The following GNAO1 variants were observed in gnomAD, a reference collection of about 807,000 sequenced individuals.
The protein encoded by GNAO1 is guanine nucleotide-binding protein G(o) subunit alpha.
For synonymous variants in GNAO1, 164 were observed against 180.7 expected (o/e 0.91, Z 0.74); for missense variants, 166 against 478.7 (o/e 0.35, Z 6.10).
At chr16:56,292,103 A>G (rs1196975798) in intron 3 of GNAO1, among the ~76,000 whole-genome samples, 1 of 152,156 alleles carries the variant, frequency 6.6e-6, no homozygotes, top group Admixed American at 6.5e-5. Flanking sequence ...CACATTCCCC[A>G]TCAGCGTTCC....
chr16:56,261,794 A>G (rs2036906273), intron 2 of GNAO1, among the ~76,000 whole-genome samples: 2 of 152,162 alleles, frequency 1.3e-5, no homozygotes, highest in Admixed American at 1.3e-4. Flanking sequence ...CTGTTCAGTA[A>G]CCAGGCACCC....
chr16:56,199,399 G>A (rs1412869402), intron 2 of GNAO1, among the ~76,000 whole-genome samples: 1 of 152,202 alleles, frequency 6.6e-6, no homozygotes, highest in Non-Finnish European at 1.5e-5. Flanking sequence ...GAGAGAGCCA[G>A]TGACATTAGA....
intron 6 of GNAO1, chr16:56,340,964 C>T (rs750314836): frequency 1.2e-6 from 2 of 1,614,002 alleles, no homozygotes; most frequent in Non-Finnish European, 1.7e-6. Context: ...TCCCCGCTCA[C>T]CATCTGCTTT....
rs565216010 is a variant in GNAO1, at chr16:56,349,335, G to C, written c.724-2049G>C. On this transcript the variant is annotated intron_variant, in intron 6 of 8. Coordinates refer to ENST00000262493, the MANE Select transcript of GNAO1 (RefSeq NM_020988.3). ...TCTCTGTTAGGCAGCTGCAGGCCAA[G>C]GTGGCTCTGTGGAGTGGGGAGCATG... Among the ~76,000 whole-genome samples the C allele has an allele frequency of 2.6e-5, 4 of 152,320 alleles. No homozygotes were observed. The South Asian group carries it at 8.3e-4, about 32-fold the overall frequency.
At chr16:56,234,603 T>C (rs1288058740) in intron 2 of GNAO1, among the ~76,000 whole-genome samples, 6 of 152,222 alleles carry the variant, frequency 3.9e-5, no homozygotes, top group Admixed American at 1.3e-4. Flanking sequence ...AGCTTCCCAG[T>C]TCTGCAGCTT....
rs1323223248 is a variant in GNAO1, at chr16:56,192,188, G to C, written c.-48G>C. 2.7e-6 allele frequency: 3 copies of C among 1,109,684 alleles called. No homozygotes were observed. The African/African-American group carries it at 4.6e-5, about 17-fold the overall frequency. 68.7% of individuals were successfully genotyped at this position (1,109,684 alleles called of 1,614,324 possible). On this transcript the variant is annotated 5_prime_UTR_variant, in exon 1 of 9. Transcript: ENST00000262493. ...GGGGTGGGGGGCGCTCCAAGCCGGG[G>C]AGCCGTGCCAGCCGAGTCGTGCGGG...
At chr16:56,233,292 C>G (rs1360083938) in intron 2 of GNAO1, among the ~76,000 whole-genome samples, 1 of 152,170 alleles carries the variant, frequency 6.6e-6, no homozygotes, top group Non-Finnish European at 1.5e-5. Flanking sequence ...TATTTACATG[C>G]CCCAGTGTCT....
At position 56,347,468 on chromosome 16, in the gene GNAO1, G is replaced by A. The variant is rs564713892; in HGVS notation, c.724-3916G>A. 2.3e-5 allele frequency: 23 copies of A among 985,378 alleles called. No homozygotes were observed. The South Asian group carries it at 9.4e-4, about 40-fold the overall frequency. 61.0% of individuals were successfully genotyped at this position (985,378 alleles called of 1,614,324 possible). A position where few individuals can be genotyped will look rare whatever the true frequency, so the allele number is the denominator to read the frequency against. On this transcript the variant is annotated intron_variant, in intron 6 of 8. Transcript: ENST00000262493. ...CCCACCCCTCAGCAAGAAGAGTCCT[G>A]ACCCCTGACCCCACCCTGCCCAGAG... is the stretch of plus-strand genomic sequence containing the variant.
intron 3 of GNAO1, among the ~76,000 whole-genome samples, chr16:56,295,555 T>A (rs2037278810): frequency 6.6e-6 from 1 of 152,136 alleles, no homozygotes; most frequent in Non-Finnish European, 1.5e-5. Flanking sequence ...TTCTTCTCCC[T>A]TCCACCTTTA....
intron 6 of GNAO1, chr16:56,346,246 GGGTGGTGACT>G (rs1284790107): frequency 1.0e-6 from 1 of 985,334 alleles, no homozygotes; most frequent in Non-Finnish European, 1.2e-6. Context: ...CCATCTTGTG[GGGTGGTGACT>G]GAGGGTGACA....
At chr16:56,301,732 G>T (rs2617836) in intron 3 of GNAO1, 1 of 152,078 alleles carries the variant, frequency 6.6e-6, no homozygotes, top group South Asian at 2.1e-4. Context: ...TCTGCCCGGC[G>T]GAGTGGCTCA....
At chr16:56,245,214 C>T (rs887262016) in intron 2 of GNAO1, among the ~76,000 whole-genome samples, 14 of 152,246 alleles carry the variant, frequency 9.2e-5, no homozygotes, top group South Asian at 2.1e-4. Flanking sequence ...TAGGCTGTTG[C>T]GGCTGAGCTG....
At chr16:56,213,119 C>T (rs1294928416) in intron 2 of GNAO1, among the ~76,000 whole-genome samples, 3 of 152,226 alleles carry the variant, frequency 2.0e-5, no homozygotes. Flanking sequence ...GGTCAAGACC[C>T]GCTCTAGGAA....
At chr16:56,246,107 T>C (rs1477503060) in intron 2 of GNAO1, among the ~76,000 whole-genome samples, 1 of 152,156 alleles carries the variant, frequency 6.6e-6, no homozygotes, top group Non-Finnish European at 1.5e-5. Flanking sequence ...ACAGCCTACC[T>C]GCTGCCTGAG....
intron 6 of GNAO1, chr16:56,344,232 G>A: frequency 7.3e-7 from 1 of 1,373,838 alleles, no homozygotes; most frequent in East Asian, 2.8e-5. Context: ...GGGAAGCTGG[G>A]GGGACAGGGC....
chr16:56,342,398 C>T (rs2037814791), intron 6 of GNAO1, among the ~76,000 whole-genome samples: 1 of 152,220 alleles, frequency 6.6e-6, no homozygotes, highest in African/African-American at 2.4e-5. Context: ...CCCCTCCCTG[C>T]TGCCCCCTCC....
At chr16:56,261,729 T>G (rs1221347075) in intron 2 of GNAO1, among the ~76,000 whole-genome samples, 1 of 151,752 alleles carries the variant, frequency 6.6e-6, no homozygotes, top group Non-Finnish European at 1.5e-5. Context: ...CGCTGCAAAA[T>G]GGGATGGGGG....
chr16:56,220,370 G>A (rs1265358141), intron 2 of GNAO1, among the ~76,000 whole-genome samples: 4 of 152,196 alleles, frequency 2.6e-5, no homozygotes, highest in Admixed American at 1.3e-4. Flanking sequence ...AGAGCCTACT[G>A]TGGCCAGGTT....
intron 8 of GNAO1, 172 bp from the exon 9 acceptor site, chr16:56,355,931 T>G (rs553204634): frequency 5.9e-5 from 9 of 152,348 alleles, no homozygotes; most frequent in African/African-American, 1.7e-4. Context: ...GGGGCCAGGC[T>G]TCCCCAGGTG....
Sources: gnomAD v4.1 joint callset for allele counts (sites outside exome capture counted in the v4.1 genomes callset) on GRCh38, gnomAD v4.1.1 for gene constraint, MANE v1.5 for transcripts, NCBI Gene and HGNC (gene_info 2026-07-23, HGNC 2026-07-21) for gene names.